Variants in PLA2R1 observed in about 807,000 individuals in gnomAD.
PLA2R1 encodes secretory phospholipase A2 receptor.
A neutral mutation model predicts 195.9 loss-of-function variants in PLA2R1; 158 were observed. The ratio of observed to expected loss-of-function variants is 0.81; its 90% CI spans 0.71 to 0.92. The LOEUF (loss-of-function observed/expected upper bound fraction) is 0.92, where lower values mean the gene tolerates loss of function less well. Among genes scored for constraint, PLA2R1 ranks in the 40% least tolerant of loss-of-function variants. PLA2R1 has a pLI of 0.00. For missense variants in PLA2R1, 1,626 were observed against 1,764.6 expected (o/e 0.92, Z 1.41); for synonymous variants, 586 against 598.2 (o/e 0.98, Z 0.30).
At chr2:159,947,009 G>T in intron 26 of PLA2R1, 92 bp from the exon 27 acceptor site, 1 of 830,260 alleles carries the variant, frequency 1.2e-6, no homozygotes, top group Non-Finnish European at 1.9e-6. Flanking sequence ...GTAAAGCTCA[G>T]GTTTTGAAAA....
chr2:160,005,881 TA>T, intron 10 of PLA2R1, 60 bp from the exon 11 acceptor site: 2 of 1,187,288 alleles, frequency 1.7e-6, no homozygotes, highest in Non-Finnish European at 2.5e-6. Flanking sequence ...AAAATGTCAT[TA>T]AAGCATAATG....
At position 160,062,506 on chromosome 2, in the gene PLA2R1, A is replaced by G; in HGVS notation, c.-103T>C. The G allele has an allele frequency of 7.1e-7, 1 of 1,401,428 alleles. No individual in the cohort carries two copies. The highest frequency in any genetic ancestry group is 9.2e-7 in the Non-Finnish European group (1 of 1,084,970). The allele number at this position is 1,401,428 out of a possible 1,614,324, so 86.8% of individuals were successfully genotyped here. On this transcript the variant is annotated 5_prime_UTR_variant, in exon 1 of 30. Transcript: ENST00000283243. ...ACCCGGCCCCGCCGCGCGGAAGCGG[A>G]TCCGTAGCCTCCTCCGCGCCCCACC...
chr2:160,003,700 A>G (rs1272160993), intron 11 of PLA2R1, among the ~76,000 whole-genome samples: 5 of 152,218 alleles, frequency 3.3e-5, no homozygotes, highest in Non-Finnish European at 5.9e-5. Flanking sequence ...ATGAACTTGT[A>G]AACTGATAAT....
At chr2:160,026,373 T>C (rs1177651490) in intron 6 of PLA2R1, among the ~76,000 whole-genome samples, 1 of 152,196 alleles carries the variant, frequency 6.6e-6, no homozygotes, top group African/African-American at 2.4e-5. Flanking sequence ...AAGGTAGATA[T>C]TTATCCCCAG....
At chr2:159,995,994 T>C (rs1305571237) in intron 11 of PLA2R1, among the ~76,000 whole-genome samples, 2 of 152,116 alleles carry the variant, frequency 1.3e-5, no homozygotes, top group South Asian at 2.1e-4. Flanking sequence ...ATCATCTATC[T>C]GTCATCTATC....
At chr2:159,982,853 T>C (rs1025807325) in intron 13 of PLA2R1, among the ~76,000 whole-genome samples, 1 of 152,248 alleles carries the variant, frequency 6.6e-6, no homozygotes, top group Non-Finnish European at 1.5e-5. Context: ...CCTATTATTA[T>C]GGTTGTTTTC....
intron 20 of PLA2R1, among the ~76,000 whole-genome samples, chr2:159,958,871 C>A (rs1014714240): frequency 6.6e-5 from 10 of 152,168 alleles, no homozygotes; most frequent in African/African-American, 2.2e-4. Flanking sequence ...ATTATCTGAC[C>A]CCAAATGTCA....
intron 1 of PLA2R1, among the ~76,000 whole-genome samples, chr2:160,060,115 TA>T (rs1346876858): frequency 6.6e-6 from 1 of 152,246 alleles, no homozygotes; most frequent in Non-Finnish European, 1.5e-5. Flanking sequence ...ACAATTCAGA[TA>T]AAAAATGCTG....
intron 3 of PLA2R1, among the ~76,000 whole-genome samples, chr2:160,035,329 A>C (rs1198104984): frequency 1.3e-5 from 2 of 152,192 alleles, no homozygotes; most frequent in East Asian, 3.8e-4. Flanking sequence ...CTGCTCTCTA[A>C]GGACTGCTTT....
At chr2:160,062,246 A>AC (rs760651173) in intron 1 of PLA2R1, 49 bp downstream of exon 1, 76 of 827,594 alleles carry the variant, frequency 9.2e-5, no homozygotes, top group Admixed American at 3.0e-4. Flanking sequence ...GACCACCCCG[A>AC]CCCCCCTCCC....
In PLA2R1 at chr2:159,938,619, G is replaced by C. The variant is rs957792865; in HGVS notation, c.*3159C>G. ...CAAAGAGAACAGACTACAGATTAAA[G>C]CAACTGCAGACTTCACAGCAGATGC... On this transcript the variant is annotated 3_prime_UTR_variant, in exon 30 of 30. Transcript: ENST00000283243. 2.6e-5 allele frequency: 4 copies of C among 152,342 alleles called. No homozygotes were observed. Among genetic ancestry groups the C allele is most frequent in the African/African-American group, 9.7e-5 (4 of 41,446 alleles). The allele number at this position is 152,342 out of a possible 1,614,324, so 9.4% of individuals were successfully genotyped here.
intron 11 of PLA2R1, among the ~76,000 whole-genome samples, chr2:159,987,665 C>A (rs1202194752): frequency 6.6e-6 from 1 of 152,064 alleles, no homozygotes; most frequent in African/African-American, 2.4e-5. Context: ...CCAAAATATC[C>A]CCCATATTTC....
intron 20 of PLA2R1, among the ~76,000 whole-genome samples, chr2:159,959,549 G>C (rs1574670662): frequency 6.6e-6 from 1 of 152,114 alleles, no homozygotes; most frequent in East Asian, 1.9e-4. Context: ...ATGCATCTCT[G>C]ATTATTACTG....
At chr2:160,010,429 T>A (rs942668168) in intron 10 of PLA2R1, among the ~76,000 whole-genome samples, 2 of 152,186 alleles carry the variant, frequency 1.3e-5, no homozygotes, top group African/African-American at 4.8e-5. Context: ...CCACAAAGTG[T>A]TAAAAGTCTT....
intron 13 of PLA2R1, among the ~76,000 whole-genome samples, chr2:159,980,883 T>C (rs1689900738): frequency 6.6e-6 from 1 of 152,238 alleles, no homozygotes; most frequent in Non-Finnish European, 1.5e-5. Context: ...TCTGCCTGGA[T>C]GACACAAATT....
chr2:160,028,774 T>A, intron 5 of PLA2R1, 76 bp downstream of exon 5: 1 of 845,500 alleles, frequency 1.2e-6, no homozygotes. Context: ...GCATGTCCTA[T>A]GTGCATGGGA....
chr2:159,953,419 C>T (rs1687888187), intron 23 of PLA2R1, among the ~76,000 whole-genome samples: 1 of 152,180 alleles, frequency 6.6e-6, no homozygotes, highest in Non-Finnish European at 1.5e-5. Flanking sequence ...TTATTGTTGG[C>T]TACAATAACT....
At chr2:160,037,112 C>T (rs1694213058) in intron 3 of PLA2R1, among the ~76,000 whole-genome samples, 1 of 152,154 alleles carries the variant, frequency 6.6e-6, no homozygotes, top group African/African-American at 2.4e-5. Context: ...TTTTCCAATC[C>T]CCTTGCTGCC....
At chr2:160,037,523 G>A (rs775131425) in intron 3 of PLA2R1, among the ~76,000 whole-genome samples, 4 of 152,160 alleles carry the variant, frequency 2.6e-5, no homozygotes, top group South Asian at 2.1e-4. Flanking sequence ...ACAGGTGGGC[G>A]TATTTTATCA....
Sources: gnomAD v4.1 joint callset for allele counts (sites outside exome capture counted in the v4.1 genomes callset) on GRCh38, gnomAD v4.1.1 for gene constraint, MANE v1.5 for transcripts, NCBI Gene and HGNC (gene_info 2026-07-23, HGNC 2026-07-21) for gene names.